Variants in ANKS3 observed in about 807,000 individuals in gnomAD.
ANKS3 encodes ankyrin repeat and SAM domain-containing protein 3.
ANKS3 carries 62 observed loss-of-function variants against 80.7 expected under a neutral mutation model. The observed-to-expected ratio is 0.77, with a 90% CI of 0.63 to 0.95. The LOEUF is 0.95. ANKS3 is among the 40% of genes least tolerant of loss of function. The pLI is 0.00. For missense variants in ANKS3, 1,150 were observed against 883.6 expected (o/e 1.30, Z -3.82); for synonymous variants, 489 against 355.3 (o/e 1.38, Z -4.23).
intron 6 of ANKS3, among the ~76,000 whole-genome samples, chr16:4,723,955 G>A (rs1190407139): frequency 6.6e-6 from 1 of 152,116 alleles, no homozygotes; most frequent in African/African-American, 2.4e-5. Flanking sequence ...CAGCTACTTG[G>A]GGGCTGAGGC....
At chr16:4,730,275 G>T in intron 2 of ANKS3, 124 bp from the exon 3 acceptor site, 1 of 907,486 alleles carries the variant, frequency 1.1e-6, no homozygotes, top group South Asian at 3.2e-5. Flanking sequence ...AGTCAACCCC[G>T]GGAGTAACTC....
intron 14 of ANKS3, 25 bp downstream of exon 14, chr16:4,698,402 C>T: frequency 4.7e-6 from 7 of 1,477,414 alleles, no homozygotes; most frequent in African/African-American, 1.4e-5. Context: ...GGAGACCCAG[C>T]CCAGGGCAGC....
intron 6 of ANKS3, among the ~76,000 whole-genome samples, chr16:4,723,779 G>C (rs973195541): frequency 2.0e-5 from 3 of 152,170 alleles, no homozygotes; most frequent in Non-Finnish European, 2.9e-5. Context: ...ACAAGGTTCT[G>C]TGTGGACAGG....
chr16:4,708,806 T>C (rs1049217346), intron 7 of ANKS3, among the ~76,000 whole-genome samples: 2 of 151,414 alleles, frequency 1.3e-5, no homozygotes, highest in South Asian at 2.1e-4. Flanking sequence ...GGTGTGGTGG[T>C]GGGCACCCTG....
intron 7 of ANKS3, among the ~76,000 whole-genome samples, chr16:4,713,701 G>C (rs1412925683): frequency 6.6e-6 from 1 of 152,196 alleles, no homozygotes; most frequent in African/African-American, 2.4e-5. Flanking sequence ...TTTTTAAGGA[G>C]CTAGACAAGT....
intron 11 of ANKS3, chr16:4,699,675 T>G (rs1004602114): frequency 1.7e-5 from 3 of 171,820 alleles, no homozygotes; most frequent in Non-Finnish European, 3.8e-5. Flanking sequence ...GCTCTCCTTC[T>G]GGAATGCCAC....
chr16:4,716,877 T>C (rs2080829060), intron 6 of ANKS3, among the ~76,000 whole-genome samples: 1 of 152,032 alleles, frequency 6.6e-6, no homozygotes. Context: ...ATCGCGCCAC[T>C]GCACTACAGC....
intron 6 of ANKS3, among the ~76,000 whole-genome samples, chr16:4,723,498 C>T (rs1299714701): frequency 6.6e-6 from 1 of 152,188 alleles, no homozygotes; most frequent in Non-Finnish European, 1.5e-5. Flanking sequence ...TCATAGCTCA[C>T]TGCAACCTCC....
intron 7 of ANKS3, among the ~76,000 whole-genome samples, chr16:4,708,325 G>C (rs1251562735): frequency 6.6e-6 from 1 of 151,964 alleles, no homozygotes; most frequent in African/African-American, 2.4e-5. Context: ...GACAACTCCT[G>C]GGTGAAGGAG....
intron 7 of ANKS3, among the ~76,000 whole-genome samples, chr16:4,713,830 A>G (rs2080628849): frequency 6.6e-6 from 1 of 152,226 alleles, no homozygotes; most frequent in African/African-American, 2.4e-5. Context: ...AAGCCTCTAC[A>G]TTCACAACAG....
At chr16:4,726,255 C>T (rs1273486945) in intron 5 of ANKS3, among the ~76,000 whole-genome samples, 1 of 151,982 alleles carries the variant, frequency 6.6e-6, no homozygotes, top group Non-Finnish European at 1.5e-5. Flanking sequence ...GGATCACAGG[C>T]GTGAGCCACC....
In ANKS3 at chr16:4,714,180, T is replaced by G; in HGVS notation, c.580A>C (p.Lys194Gln). 5 of 1,614,066 alleles carry G rather than the reference T, an allele frequency of 3.1e-6. No individual in the cohort carries two copies. The highest frequency in any genetic ancestry group is 2.5e-6 in the Non-Finnish European group (3 of 1,179,958). ...IVQYFLNHGV[K>Q]VDARDHSGAT... Reference sequence around the variant, plus strand: ...CCACTGTGGTCTCTCGCGTCCACCTTGACTCCCTGTGAATGTCCGTGAAAG... The same window carrying G: ...CCACTGTGGTCTCTCGCGTCCACCTGGACTCCCTGTGAATGTCCGTGAAAG... Residue 194 changes from lysine (K) to glutamine (Q), a missense_variant, in exon 7 of 18, where the codon AAG becomes CAG. Transcript: ENST00000304283.
chr16:4,698,997 GT>G, intron 12 of ANKS3, 54 bp downstream of exon 12: 2 of 1,614,032 alleles, frequency 1.2e-6, no homozygotes, highest in Non-Finnish European at 1.7e-6. Flanking sequence ...GCTTACATGA[GT>G]GGGAGTTTGC....
rs371117823 is a variant in ANKS3, at chr16:4,697,133, C to T, written c.1895-29G>A. On this transcript the variant is annotated intron_variant, in intron 16 of 17. Transcript: ENST00000304283. ...AGGAATGATGACCTTGAGCCTCTCC[C>T]GGCCAGGCTCAGGAGGGCTGGGTGG... 952 of 1,607,960 alleles carry T rather than the reference C, an allele frequency of 5.9e-4. 1 individual carries two copies. Among genetic ancestry groups the T allele is most frequent in the Middle Eastern group, 8.3e-4 (5 of 6,052 alleles).
Position 4,734,083 on chromosome 16 carries a change from G to C in ANKS3, c.-216C>G. The C allele has an allele frequency of 2.1e-6, 2 of 958,254 alleles. No individual in the cohort carries two copies. The highest frequency in any genetic ancestry group is 2.5e-6 in the Non-Finnish European group (2 of 805,096). 59.4% of individuals were successfully genotyped at this position (958,254 alleles called of 1,614,324 possible). A position where few individuals can be genotyped will look rare whatever the true frequency, so the allele number is the denominator to read the frequency against. ...CACGCGGCGAGCAAGTGCAGCGCGGGACGCCCGAGCGCCGGGTCTAGGCGG... is the reference window on the plus strand; with the variant it reads ...CACGCGGCGAGCAAGTGCAGCGCGGCACGCCCGAGCGCCGGGTCTAGGCGG... On this transcript the variant is annotated 5_prime_UTR_variant, in exon 1 of 18. Coordinates refer to ENST00000304283, the MANE Select transcript of ANKS3 (RefSeq NM_133450.4).
At chr16:4,706,226 CT>C (rs547108512) in intron 7 of ANKS3, among the ~76,000 whole-genome samples, 6 of 149,166 alleles carry the variant, frequency 4.0e-5, no homozygotes, top group Non-Finnish European at 9.0e-5. Flanking sequence ...TCTGTATTTT[CT>C]TTTTTTTTTC....
At position 4,697,369 on chromosome 16, in the gene ANKS3, G is replaced by A. The variant is rs763904675; in HGVS notation, c.1858C>T (p.Leu620Phe). 1 of 1,610,202 alleles carries A rather than the reference G, an allele frequency of 6.2e-7. No homozygotes were observed. The highest frequency in any genetic ancestry group is 1.7e-5 in the Admixed American group (1 of 59,820). The change falls in exon 16 of 18, where the codon CTC becomes TTC. Residue 620 changes from leucine (L) to phenylalanine (F), a missense_variant. Physicochemically the swap from Leu to Phe is conservative, Grantham distance 22. Coordinates refer to ENST00000304283, the MANE Select transcript of ANKS3 (RefSeq NM_133450.4). ...ACACGGTCCTCCAGGGCTCCCGAGA[G>A]CTCGGGGAGGCTCATGGCCTGCAGG... ...ASLQAMSLPELSGALEDRVRE... is the reference protein window; with the variant it reads ...ASLQAMSLPEFSGALEDRVRE...
At chr16:4,732,690 C>G (rs859318) in intron 1 of ANKS3, among the ~76,000 whole-genome samples, 1 of 133,362 alleles carries the variant, frequency 7.5e-6, no homozygotes, top group Admixed American at 8.2e-5. Context: ...AAAAAAAAAA[C>G]AAAAAAAAAA....
Position 4,699,586 on chromosome 16 carries a change from G to A in ANKS3, c.1285-410C>T, listed in dbSNP as rs558094805. On this transcript the variant is annotated intron_variant, in intron 11 of 17. Transcript: ENST00000304283. The stretch of plus-strand genomic sequence containing the variant: ...TCTTCTCCGAGTTCACCTGTCTGGA[G>A]TTCACCGAGCTCCCTGGATGTAAGA... 3.3e-5 allele frequency: 7 copies of A among 215,010 alleles called. No homozygotes were observed. The East Asian group carries it at 7.5e-4, about 23-fold the overall frequency. 13.3% of individuals were successfully genotyped at this position (215,010 alleles called of 1,614,324 possible).
Sources: gnomAD v4.1 joint callset for allele counts (sites outside exome capture counted in the v4.1 genomes callset) on GRCh38, gnomAD v4.1.1 for gene constraint, MANE v1.5 for transcripts, NCBI Gene and HGNC (gene_info 2026-07-23, HGNC 2026-07-21) for gene names.